Variants in ARID2 observed in about 807,000 individuals in gnomAD.
ARID2 encodes the protein AT-rich interactive domain-containing protein 2.
A neutral mutation model predicts 184.6 loss-of-function variants in ARID2; 32 were observed. The ratio of observed to expected loss-of-function variants is 0.17; its 90% CI spans 0.13 to 0.23. The LOEUF (loss-of-function observed/expected upper bound fraction) is 0.23, where lower values mean the gene tolerates loss of function less well. Among genes scored for constraint, ARID2 ranks in the 10% least tolerant of loss-of-function variants. The pLI, the probability that ARID2 is intolerant of heterozygous loss-of-function variation, is 1.00. For synonymous variants in ARID2, 836 were observed against 772.6 expected (o/e 1.08, Z -1.36); for missense variants, 1,696 against 2,197.6 (o/e 0.77, Z 4.56).
At chr12:45,901,454 G>A (rs71461191) in intron 20 of ARID2, among the ~76,000 whole-genome samples, 1 of 151,850 alleles carries the variant, frequency 6.6e-6, no homozygotes, top group Non-Finnish European at 1.5e-5. Context: ...ACAGGCATGA[G>A]CCACCACCCC....
At chr12:45,794,094 T>C (rs1221434200) in intron 3 of ARID2, among the ~76,000 whole-genome samples, 2 of 152,174 alleles carry the variant, frequency 1.3e-5, no homozygotes, top group South Asian at 2.1e-4. Flanking sequence ...CCCCAGTAGA[T>C]ACCTGAAACT....
chr12:45,830,885 A>G (rs1040788338), intron 6 of ARID2, among the ~76,000 whole-genome samples: 14 of 152,034 alleles, frequency 9.2e-5, no homozygotes, highest in African/African-American at 3.1e-4. Context: ...GCAAAAGCCC[A>G]TCTCTACTAA....
chr12:45,850,932 C>G lies in ARID2; in HGVS notation c.2809C>G (p.Gln937Glu). Residue 937 changes from glutamine to glutamate, a missense_variant, in exon 15 of 21, where the codon CAA becomes GAA. Gln to Glu is a conservative substitution (Grantham distance 29, BLOSUM62 2). Transcript: ENST00000334344. ...TGTAAGCCAGCCAGCTCAACAAGGTCAAACTTATGCACCAGCCATTCACCA... is the reference window on the plus strand; with the variant it reads ...TGTAAGCCAGCCAGCTCAACAAGGTGAAACTTATGCACCAGCCATTCACCA... Reference protein sequence around the residue: ...VIVSQPAQQGQTYAPAIHQIV... With the variant: ...VIVSQPAQQGETYAPAIHQIV... The G allele has an allele frequency of 2.5e-6, 4 of 1,614,174 alleles. No homozygotes were observed. In the African/African-American group the frequency reaches 4.0e-5, roughly 16 times the overall value.
At chr12:45,809,891 C>T (rs927188606) in intron 3 of ARID2, among the ~76,000 whole-genome samples, 8 of 152,112 alleles carry the variant, frequency 5.3e-5, no homozygotes, top group African/African-American at 1.9e-4. Flanking sequence ...TTATAGCTTC[C>T]ATTCATCCCT....
chr12:45,745,019 C>G (rs1300989522), intron 3 of ARID2, among the ~76,000 whole-genome samples: 1 of 152,108 alleles, frequency 6.6e-6, no homozygotes, highest in Admixed American at 6.6e-5. Flanking sequence ...AAGCAGCACT[C>G]TTTAGAGTTT....
At chr12:45,780,680 G>C (rs930772595) in intron 3 of ARID2, among the ~76,000 whole-genome samples, 2 of 151,992 alleles carry the variant, frequency 1.3e-5, no homozygotes, top group African/African-American at 4.8e-5. Flanking sequence ...GTGCAATGGC[G>C]TGATCTCGGC....
At chr12:45,797,639 A>G (rs1565599883) in intron 3 of ARID2, among the ~76,000 whole-genome samples, 3 of 152,050 alleles carry the variant, frequency 2.0e-5, no homozygotes, top group African/African-American at 7.2e-5. Flanking sequence ...ATATATTGAC[A>G]CATTTTCTTC....
intron 3 of ARID2, among the ~76,000 whole-genome samples, chr12:45,778,159 T>G (rs934788805): frequency 6.6e-5 from 10 of 152,112 alleles, no homozygotes; most frequent in Non-Finnish European, 1.5e-4. Flanking sequence ...TGAGCCGAGA[T>G]TGCGCCATTG....
At chr12:45,830,050 A>C (rs1943083797) in intron 6 of ARID2, among the ~76,000 whole-genome samples, 1 of 149,320 alleles carries the variant, frequency 6.7e-6, no homozygotes, top group Admixed American at 6.7e-5. Context: ...AAAATCTTTT[A>C]ATAAATTAAT....
intron 3 of ARID2, among the ~76,000 whole-genome samples, chr12:45,799,687 T>G (rs1942458714): frequency 6.6e-6 from 1 of 152,074 alleles, no homozygotes; most frequent in African/African-American, 2.4e-5. Flanking sequence ...AGAGAATGGG[T>G]TAAGGCATTG....
At chr12:45,870,204 G>A (rs1257088202) in intron 16 of ARID2, among the ~76,000 whole-genome samples, 1 of 152,012 alleles carries the variant, frequency 6.6e-6, no homozygotes, top group African/African-American at 2.4e-5. Context: ...TAGCCAGGAT[G>A]GTCTCGATCT....
chr12:45,868,454 A>G (rs1240402379), intron 16 of ARID2, among the ~76,000 whole-genome samples: 1 of 152,192 alleles, frequency 6.6e-6, no homozygotes, highest in African/African-American at 2.4e-5. Context: ...GAGGAAAAAA[A>G]GAAGGATATC....
At chr12:45,815,224 C>T (rs1407661957) in intron 4 of ARID2, among the ~76,000 whole-genome samples, 3 of 152,146 alleles carry the variant, frequency 2.0e-5, no homozygotes, top group Non-Finnish European at 4.4e-5. Context: ...ATTGCTAAGA[C>T]TTGGCTTATC....
chr12:45,859,918 G>C (rs1029445822), intron 15 of ARID2, among the ~76,000 whole-genome samples: 1 of 152,174 alleles, frequency 6.6e-6, no homozygotes, highest in African/African-American at 2.4e-5. Flanking sequence ...TTTTAGCAGA[G>C]ATGGGGTTTC....
intron 3 of ARID2, among the ~76,000 whole-genome samples, chr12:45,753,611 TTC>T (rs1430127269): frequency 2.6e-5 from 4 of 152,194 alleles, no homozygotes; most frequent in African/African-American, 9.7e-5. Flanking sequence ...GGTTTCTTTT[TTC>T]TTTTTTTGAG....
At chr12:45,848,518 C>T (rs1222925122) in intron 12 of ARID2, among the ~76,000 whole-genome samples, 1 of 151,894 alleles carries the variant, frequency 6.6e-6, no homozygotes, top group Non-Finnish European at 1.5e-5. Flanking sequence ...GACAGGATGC[C>T]GAATAGATAT....
At position 45,850,060 on chromosome 12, in the gene ARID2, T is replaced by G. The variant is rs754662276; in HGVS notation, c.1937T>G (p.Ile646Arg). 6 of 1,613,608 alleles carry G rather than the reference T, an allele frequency of 3.7e-6. No individual in the cohort carries two copies. The highest frequency in any genetic ancestry group is 5.1e-6 in the Non-Finnish European group (6 of 1,179,680). The change falls in exon 15 of 21, where the codon ATA becomes AGA. Residue 646 changes from isoleucine (I) to arginine (R), a missense_variant. Ile to Arg is a moderately conservative substitution (Grantham distance 97, BLOSUM62 -3). Coordinates refer to ENST00000334344, the MANE Select transcript of ARID2 (RefSeq NM_152641.4). ...GGAATCCCTCATGGATCACAAACCA[T>G]AGGAAACCATTTTCAGAGGACTCCT... Reference protein sequence around the residue: ...PAGIPHGSQTIGNHFQRTPVA... With the variant: ...PAGIPHGSQTRGNHFQRTPVA...
intron 3 of ARID2, among the ~76,000 whole-genome samples, chr12:45,783,733 CT>C (rs1316110872): frequency 6.6e-6 from 1 of 152,224 alleles, no homozygotes; most frequent in Non-Finnish European, 1.5e-5. Flanking sequence ...TCACCTCCTG[CT>C]GTGCAGCCCG....
intron 3 of ARID2, among the ~76,000 whole-genome samples, chr12:45,777,314 A>G (rs1368284553): frequency 2.0e-5 from 3 of 152,152 alleles, no homozygotes; most frequent in Non-Finnish European, 4.4e-5. Flanking sequence ...GGATGCTTAT[A>G]ATAGTACTGT....
Sources: gnomAD v4.1 joint callset for allele counts (sites outside exome capture counted in the v4.1 genomes callset) on GRCh38, gnomAD v4.1.1 for gene constraint, MANE v1.5 for transcripts, NCBI Gene and HGNC (gene_info 2026-07-23, HGNC 2026-07-21) for gene names.